Variants in TPRG1L observed in about 807,000 individuals in gnomAD.
TPRG1L encodes the protein tumor protein p63-regulated gene 1-like protein.
Under a neutral mutation model 29.4 loss-of-function variants are expected in TPRG1L, and 25 were observed. The observed-to-expected ratio is 0.85, with a 90% CI of 0.62 to 1.19. TPRG1L has a LOEUF of 1.19. Among genes scored for constraint, TPRG1L ranks in the 50% most tolerant of loss-of-function variants. The pLI, the probability that TPRG1L is intolerant of heterozygous loss-of-function variation, is 0.00. For synonymous variants in TPRG1L, 182 were observed against 151.1 expected (o/e 1.20, Z -1.50); for missense variants, 354 against 364.4 (o/e 0.97, Z 0.23).
Position 3,625,061 on chromosome 1 carries a change from A to G in TPRG1L, c.-12A>G, listed in dbSNP as rs28695195. Reference sequence around the variant, plus strand: ...GTCGGCGTCAGGGTCGGGGTCGGTAAGGGGTGCGGCAATGCTGCAACTGCG... The same window carrying G: ...GTCGGCGTCAGGGTCGGGGTCGGTAGGGGGTGCGGCAATGCTGCAACTGCG... On this transcript the variant is annotated 5_prime_UTR_variant, in exon 1 of 5. Transcript: ENST00000378344. The G allele has an allele frequency of 1.0e-5, 12 of 1,195,354 alleles. No homozygotes were observed. The African/African-American group carries it at 1.3e-4, about 13-fold the overall frequency. 74.0% of individuals were successfully genotyped at this position (1,195,354 alleles called of 1,614,324 possible). A position where few individuals can be genotyped will look rare whatever the true frequency, so the allele number is the denominator to read the frequency against.
At position 3,628,513 on chromosome 1, in the gene TPRG1L, G is replaced by C. The variant is rs967590394; in HGVS notation, c.729G>C (p.Leu243=). Residue 243 remains leucine, a synonymous_variant, in exon 5 of 5, where the codon CTG becomes CTC. Transcript: ENST00000378344. ...GCGTGCTGATCCTGGAGCGCCCCCT[G>C]CTCATCGAGACCTACGTGGGACTCA... ...ANGVLILERP[L]LIETYVGLMS... 6.2e-7 allele frequency: 1 copy of C among 1,613,988 alleles called. No individual in the cohort carries two copies. Among genetic ancestry groups the C allele is most frequent in the Non-Finnish European group, 8.5e-7 (1 of 1,179,998 alleles).
rs1278670545 is a variant in TPRG1L at position 3,628,679 on chromosome 1, G to C, written c.*76G>C. 1.4e-6 allele frequency: 2 copies of C among 1,445,452 alleles called. No individual in the cohort carries two copies. Among genetic ancestry groups the C allele is most frequent in the Admixed American group, 2.2e-5 (1 of 45,024 alleles). The allele number at this position is 1,445,452 out of a possible 1,614,324, so 89.5% of individuals were successfully genotyped here. A position where few individuals can be genotyped will look rare whatever the true frequency, so the allele number is the denominator to read the frequency against. On this transcript the variant is annotated 3_prime_UTR_variant, in exon 5 of 5. Transcript: ENST00000378344. ...CAGAAGGCCAAGGGATGTGGGGGCT[G>C]GGGGACTGGGAGGCCTGGCAGTCTT...
In TPRG1L at chr1:3,625,700, C is replaced by T. The variant is rs372202199; in HGVS notation, c.294-13C>T. 1.5e-5 allele frequency: 24 copies of T among 1,606,548 alleles called. No homozygotes were observed. In the African/African-American group the frequency reaches 2.1e-4, roughly 14 times the overall value. On this transcript the variant is annotated splice_polypyrimidine_tract_variant and intron_variant, in intron 2 of 4. Coordinates refer to ENST00000378344, the MANE Select transcript of TPRG1L (RefSeq NM_182752.4). ...GCGTCCAGTGTGGACTGAGGCCCCT[C>T]CTCTGCCTACAGGGTGGATCACTGG...
chr1:3,625,186 G>T lies in TPRG1L; in HGVS notation c.114G>T (p.Ala38=). ...GCCCGGGCGGGGGGCGGCCGGGGGCGGGGACGCCGCTGCGCCAGACACTCT... is the reference window on the plus strand; with the variant it reads ...GCCCGGGCGGGGGGCGGCCGGGGGCTGGGACGCCGCTGCGCCAGACACTCT... ...GGGPGGGRPG[A]GTPLRQTLWP... is the part of the protein sequence containing the mutation. The change falls in exon 1 of 5, where the codon GCG becomes GCT. Residue 38 remains alanine (A), a synonymous_variant. Transcript: ENST00000378344. 1 of 1,248,162 alleles carries T rather than the reference G, an allele frequency of 8.0e-7. No homozygotes were observed. The highest frequency in any genetic ancestry group is 3.3e-5 in the East Asian group (1 of 30,050). 77.3% of individuals were successfully genotyped at this position (1,248,162 alleles called of 1,614,324 possible).
intron 4 of TPRG1L, 68 bp from the exon 5 acceptor site, chr1:3,628,340 AT>A (rs1249017663): frequency 2.5e-5 from 35 of 1,413,136 alleles, no homozygotes; most frequent in Non-Finnish European, 3.2e-5. Context: ...CAGAATGCTA[AT>A]TTTTTCAAGT....
Position 3,625,262 on chromosome 1 carries a change from T to C in TPRG1L, c.190T>C (p.Phe64Leu). Residue 64 changes from phenylalanine to leucine, a missense_variant, in exon 1 of 5, where the codon TTC becomes CTC. Coordinates refer to ENST00000378344, the MANE Select transcript of TPRG1L (RefSeq NM_182752.4). ...GCGCCGCGCCCGCGTCAAGGAGTAC[T>C]TCGTGTTCCGGGTGAGGCAGGGGCC... ...PTRRARVKEY[F>L]VFRPGSIEQA... 3 of 1,388,354 alleles carry C rather than the reference T, an allele frequency of 2.2e-6. No individual in the cohort carries two copies. The highest frequency in any genetic ancestry group is 3.3e-5 in the South Asian group (2 of 60,692). The allele number at this position is 1,388,354 out of a possible 1,614,324, so 86.0% of individuals were successfully genotyped here.
Position 3,628,542 on chromosome 1 carries a change from C to T in TPRG1L, c.758C>T (p.Ser253Phe). Residue 253 changes from serine (S) to phenylalanine (F), a missense_variant, in exon 5 of 5, where the codon TCC becomes TTC. Coordinates refer to ENST00000378344, the MANE Select transcript of TPRG1L (RefSeq NM_182752.4). Reference sequence around the variant, plus strand: ...ATCGAGACCTACGTGGGACTCATGTCCTTCATTAACAACGAGGCGAAACTG... The same window carrying T: ...ATCGAGACCTACGTGGGACTCATGTTCTTCATTAACAACGAGGCGAAACTG... ...LLIETYVGLM[S>F]FINNEAKLGY... 1.2e-6 allele frequency: 2 copies of T among 1,613,356 alleles called. No individual in the cohort carries two copies. The highest frequency in any genetic ancestry group is 1.7e-6 in the Non-Finnish European group (2 of 1,179,594).
intron 3 of TPRG1L, among the ~76,000 whole-genome samples, chr1:3,627,050 C>G (rs1644494841): frequency 6.6e-6 from 1 of 152,172 alleles, no homozygotes; most frequent in South Asian, 2.1e-4. Context: ...GTGGCTCACG[C>G]CTGTAATCCC....
chr1:3,628,570 C>G lies in TPRG1L; in HGVS notation c.786C>G (p.Gly262=), dbSNP rs771990936. ...MSFINNEAKL[G]YSMTRGKIGF is the part of the protein sequence containing the mutation. ...TCATTAACAACGAGGCGAAACTGGG[C>G]TACTCCATGACCAGGGGCAAAATAG... Residue 262 remains glycine, a synonymous_variant, in exon 5 of 5, where the codon GGC becomes GGG. Coordinates refer to ENST00000378344, the MANE Select transcript of TPRG1L (RefSeq NM_182752.4). 1.9e-6 allele frequency: 3 copies of G among 1,611,814 alleles called. No homozygotes were observed. Among genetic ancestry groups the G allele is most frequent in the East Asian group, 4.5e-5 (2 of 44,804 alleles).
rs903418222 is a variant in TPRG1L at position 3,629,505 on chromosome 1, C to G, written c.*902C>G. ...TTTTGGGAGGCTCAGGCAGACAAATCGCTCTAGCTCAGAAGTTGCAGAGCA... is the reference window on the plus strand; with the variant it reads ...TTTTGGGAGGCTCAGGCAGACAAATGGCTCTAGCTCAGAAGTTGCAGAGCA... On this transcript the variant is annotated 3_prime_UTR_variant, in exon 5 of 5. Coordinates refer to ENST00000378344, the MANE Select transcript of TPRG1L (RefSeq NM_182752.4). 1.3e-5 allele frequency: 2 copies of G among 152,234 alleles called. No individual in the cohort carries two copies. Among genetic ancestry groups the G allele is most frequent in the Non-Finnish European group, 2.9e-5 (2 of 68,058 alleles). The allele number at this position is 152,234 out of a possible 1,614,324, so 9.4% of individuals were successfully genotyped here. A position where few individuals can be genotyped will look rare whatever the true frequency, so the allele number is the denominator to read the frequency against.
intron 3 of TPRG1L, 84 bp from the exon 4 acceptor site, chr1:3,627,416 T>A (rs1644497746): frequency 6.6e-7 from 1 of 1,518,684 alleles, no homozygotes; most frequent in Non-Finnish European, 9.1e-7. Flanking sequence ...TGTCATATTC[T>A]CCTAACTGAT....
chr1:3,625,984 T>C (rs1451690113), intron 3 of TPRG1L, 95 bp downstream of exon 3: 6 of 1,190,172 alleles, frequency 5.0e-6, no homozygotes, highest in Non-Finnish European at 6.9e-6. Flanking sequence ...GCGGTGTGTC[T>C]TCTCTGTCAT....
rs755701155 is a variant in TPRG1L, at chr1:3,625,522, C to T, written c.293+7C>T. 29 of 1,595,812 alleles carry T rather than the reference C, an allele frequency of 1.8e-5. No homozygotes were observed. Among genetic ancestry groups the T allele is most frequent in the East Asian group, 2.3e-5 (1 of 44,124 alleles). ...GAGTGTGGCTGCTTACCGAGTAAGC[C>T]GGGGCTGCGCTCTCCTTGGTGGGGG... On this transcript the variant is annotated splice_region_variant and intron_variant, in intron 2 of 4. Transcript: ENST00000378344.
At position 3,628,957 on chromosome 1, in the gene TPRG1L, C is replaced by T; in HGVS notation, c.*354C>T. 1 of 197,600 alleles carries T rather than the reference C, an allele frequency of 5.1e-6. No individual in the cohort carries two copies. Among genetic ancestry groups the T allele is most frequent in the Non-Finnish European group, 1.0e-5 (1 of 96,610 alleles). 12.2% of individuals were successfully genotyped at this position (197,600 alleles called of 1,614,324 possible). A position where few individuals can be genotyped will look rare whatever the true frequency, so the allele number is the denominator to read the frequency against. ...GTTTTTCCCACCCCAGCTGCCCCAG[C>T]ACGCGGGACCCATAGCACACCCCTT... On this transcript the variant is annotated 3_prime_UTR_variant, in exon 5 of 5. Transcript: ENST00000378344.
At position 3,625,020 on chromosome 1, in the gene TPRG1L, C is replaced by A; in HGVS notation, c.-53C>A. On this transcript the variant is annotated 5_prime_UTR_variant, in exon 1 of 5. Transcript: ENST00000378344. Reference sequence around the variant, plus strand: ...CGCGGCCGGGTGGTGGCGGTGGCTGCGGCGACGGCGGTCGCGTCGGCGTCA... The same window carrying A: ...CGCGGCCGGGTGGTGGCGGTGGCTGAGGCGACGGCGGTCGCGTCGGCGTCA... The A allele has an allele frequency of 4.2e-6, 5 of 1,176,532 alleles. No homozygotes were observed. The highest frequency in any genetic ancestry group is 3.9e-5 in the East Asian group (1 of 25,510). The allele number at this position is 1,176,532 out of a possible 1,614,324, so 72.9% of individuals were successfully genotyped here.
In TPRG1L at chr1:3,625,727, A is replaced by G. The variant is rs766831585; in HGVS notation, c.308A>G (p.Asn103Ser). 20 of 1,612,798 alleles carry G rather than the reference A, an allele frequency of 1.2e-5. No individual in the cohort carries two copies. Among genetic ancestry groups the G allele is most frequent in the African/African-American group, 4.0e-5 (3 of 74,950 alleles). ...TCTGCCTACAGGGTGGATCACTGGA[A>G]CAATGAGAAGGAGCGGCTGGTGCTG... is the stretch of plus-strand genomic sequence containing the variant. Reference protein sequence around the residue: ...VWLLTEVDHWNNEKERLVLVT... With the variant: ...VWLLTEVDHWSNEKERLVLVT... The change falls in exon 3 of 5, where the codon AAC (asparagine) becomes AGC (serine). Residue 103 changes from asparagine (N) to serine (S), a missense_variant. Physicochemically the swap from Asn to Ser is conservative, Grantham distance 46 (BLOSUM62 1). Coordinates refer to ENST00000378344, the MANE Select transcript of TPRG1L (RefSeq NM_182752.4).
At position 3,628,463 on chromosome 1, in the gene TPRG1L, A is replaced by G; in HGVS notation, c.679A>G (p.Ser227Gly). ...IQAVKKAQKE[S>G]PLPGQANGVL... ...AGCTGTCAAAAAAGCCCAAAAAGAAAGCCCTTTGCCAGGACAGGCGAATGG... is the reference window on the plus strand; with the variant it reads ...AGCTGTCAAAAAAGCCCAAAAAGAAGGCCCTTTGCCAGGACAGGCGAATGG... The change falls in exon 5 of 5, where the codon AGC (serine) becomes GGC (glycine). Residue 227 changes from serine to glycine, a missense_variant. By Grantham distance (56) the Ser-to-Gly change is moderately conservative. Coordinates refer to ENST00000378344, the MANE Select transcript of TPRG1L (RefSeq NM_182752.4). 6.2e-7 allele frequency: 1 copy of G among 1,613,556 alleles called. No individual in the cohort carries two copies. The highest frequency in any genetic ancestry group is 8.5e-7 in the Non-Finnish European group (1 of 1,179,508).
chr1:3,625,806 C>T lies in TPRG1L; in HGVS notation c.387C>T (p.Cys129=), dbSNP rs1238287160. Residue 129 remains cysteine (C), a synonymous_variant, in exon 3 of 5, where the codon TGC becomes TGT. Coordinates refer to ENST00000378344, the MANE Select transcript of TPRG1L (RefSeq NM_182752.4). ...AATACGACTTCATCAGTCTCCAGTG[C>T]CAGCAGGTGGTGCGGATAGCGCTCA... ...ICKYDFISLQ[C]QQVVRIALNA... is the part of the protein sequence containing the mutation. The T allele has an allele frequency of 6.2e-7, 1 of 1,613,776 alleles. No homozygotes were observed. The highest frequency in any genetic ancestry group is 1.1e-5 in the South Asian group (1 of 91,074).
At chr1:3,627,441 G>T (rs968978380) in intron 3 of TPRG1L, 59 bp from the exon 4 acceptor site, 2 of 1,598,188 alleles carry the variant, frequency 1.3e-6, no homozygotes, top group South Asian at 2.2e-5. Flanking sequence ...CTGTCAGATT[G>T]TCCATGAGAG....
Sources: allele counts gnomAD v4.1 joint callset (sites outside exome capture counted in the v4.1 genomes callset), GRCh38; gene constraint gnomAD v4.1.1; transcripts MANE v1.5; gene names NCBI Gene and HGNC (gene_info 2026-07-23, HGNC 2026-07-21).